The following PDE4DIP variants were observed in gnomAD, a reference collection of about 807,000 sequenced individuals.
PDE4DIP encodes the protein myomegalin.
In PDE4DIP, 59 loss-of-function variants were observed where a neutral mutation model predicts 221.4. The ratio of observed to expected loss-of-function variants is 0.27; its 90% CI spans 0.22 to 0.33. PDE4DIP has a LOEUF of 0.33. PDE4DIP is among the 10% of genes least tolerant of loss of function. The pLI, the probability that PDE4DIP is intolerant of heterozygous loss-of-function variation, is 1.00. For synonymous variants in PDE4DIP, 404 were observed against 815.9 expected (o/e 0.50, Z 8.60); for missense variants, 1,036 against 2,154.2 (o/e 0.48, Z 10.28).
chr1:148,927,598 C>T (rs3903871), intron 1 of PDE4DIP, among the ~76,000 whole-genome samples: 16,475 of 151,098 alleles, frequency 0.11, 612 homozygotes, highest in East Asian at 0.15. Context: ...TATTATATGG[C>T]GATAGTAAAG....
At chr1:148,915,142 G>T (rs7552824) in intron 1 of PDE4DIP, among the ~76,000 whole-genome samples, 16 of 142,252 alleles carry the variant, frequency 1.1e-4, no homozygotes, top group South Asian at 4.4e-4. Context: ...TTTTTTGTTT[G>T]TTTGTTTGTT....
intron 19 of PDE4DIP, among the ~76,000 whole-genome samples, chr1:148,979,425 C>A (rs2060731214): frequency 6.6e-6 from 1 of 152,104 alleles, no homozygotes; most frequent in Admixed American, 6.5e-5. Context: ...ACTAGTAAGT[C>A]CTATTATATA....
At chr1:148,934,516 C>T (rs1219676666) in intron 4 of PDE4DIP, among the ~76,000 whole-genome samples, 1 of 152,200 alleles carries the variant, frequency 6.6e-6, no homozygotes, top group Non-Finnish European at 1.5e-5. Flanking sequence ...GTGCAGATAC[C>T]ATGAGGGAAT....
At chr1:148,923,046 TC>T (rs1436552834) in intron 1 of PDE4DIP, among the ~76,000 whole-genome samples, 7 of 143,098 alleles carry the variant, frequency 4.9e-5, no homozygotes, top group Admixed American at 2.8e-4. Context: ...CAAGCGATTA[TC>T]CTGCCTTAGC....
chr1:148,923,703 G>C (rs1197855254), intron 1 of PDE4DIP, among the ~76,000 whole-genome samples: 1 of 145,038 alleles, frequency 6.9e-6, no homozygotes, highest in African/African-American at 2.7e-5. Flanking sequence ...TCGATCTCCC[G>C]ACCTCGTGAT....
intron 27 of PDE4DIP, among the ~76,000 whole-genome samples, 181 bp downstream of exon 30, chr1:149,005,618 T>A (rs1380918741): frequency 1.3e-5 from 2 of 151,798 alleles, no homozygotes; most frequent in African/African-American, 2.4e-5. Context: ...CATAGGATGA[T>A]GTTCCAGTAT....
At chr1:148,935,038 AC>A (rs1410568144) in intron 4 of PDE4DIP, among the ~76,000 whole-genome samples, 1 of 150,620 alleles carries the variant, frequency 6.6e-6, no homozygotes, top group Non-Finnish European at 1.5e-5. Context: ...ACATGGTGAA[AC>A]CCCATCTCAA....
chr1:148,963,748 C>CTTTTTTTTTTTTTTTTTTTTTTTTTT (rs66921099), intron 9 of PDE4DIP, among the ~76,000 whole-genome samples: 3 of 89,098 alleles, frequency 3.4e-5, no homozygotes, highest in African/African-American at 4.7e-5. Flanking sequence ...TTCTTTCCTT[C>CTTTTTTTTTTTTTTTTTTTTTTTTTT]TTTTTTTTTT....
chr1:148,985,316 G>C (rs1403148793), intron 21 of PDE4DIP: 1 of 151,948 alleles, frequency 6.6e-6, no homozygotes, highest in Non-Finnish European at 1.5e-5. Flanking sequence ...TAATATATTC[G>C]AGTGATTTCT....
chr1:148,851,709 T>G, intron 1 of PDE4DIP, among the ~76,000 whole-genome samples: 1 of 93,462 alleles, frequency 1.1e-5, no homozygotes, highest in East Asian at 6.5e-4. Context: ...GCATTTAAAG[T>G]TAGAAGAAAG....
At chr1:149,023,931 A>G (rs1302671518) in intron 37 of PDE4DIP, among the ~76,000 whole-genome samples, 1 of 148,352 alleles carries the variant, frequency 6.7e-6, no homozygotes, top group Non-Finnish European at 1.5e-5. Context: ...ACACACATAT[A>G]TATAGAGAGA....
At chr1:148,984,546 A>G (rs1187655097) in intron 21 of PDE4DIP, 1 of 152,058 alleles carries the variant, frequency 6.6e-6, no homozygotes, top group Non-Finnish European at 1.5e-5. Context: ...TATCACTTTT[A>G]TGCTCATTCA....
In PDE4DIP at chr1:148,992,466, G is replaced by A. The variant is rs1207960572; in HGVS notation, c.2904+493G>A. The A allele has an allele frequency of 9.1e-6, 12 of 1,324,184 alleles. No homozygotes were observed. In the South Asian group the frequency reaches 2.0e-4, roughly 22 times the overall value. 82.0% of individuals were successfully genotyped at this position (1,324,184 alleles called of 1,614,324 possible). A position where few individuals can be genotyped will look rare whatever the true frequency, so the allele number is the denominator to read the frequency against. ...TCAGTGAAATCTCATTATACAAAGA[G>A]AACCTTATGCAACCTGACAAACCAC... On this transcript the variant is annotated intron_variant, in intron 22 of 43. Coordinates refer to ENST00000369354, the Ensembl canonical transcript of PDE4DIP.
chr1:148,953,881 A>C, intron 5 of PDE4DIP: 9 of 1,612,156 alleles, frequency 5.6e-6, no homozygotes, highest in Non-Finnish European at 6.8e-6. Flanking sequence ...ATCTCTGTGA[A>C]GATTATTTGC....
upstream of PDE4DIP, among the ~76,000 whole-genome samples, chr1:148,888,659 T>TCCACA: frequency 4.5e-5 from 1 of 22,038 alleles, no homozygotes; most frequent in Non-Finnish European, 9.0e-5. Context: ...GTATAAATAA[T>TCCACA]ACTTCCTGCT....
At chr1:149,021,501 A>T (rs1485311024) in intron 37 of PDE4DIP, 4 of 172,656 alleles carry the variant, frequency 2.3e-5, no homozygotes, top group African/African-American at 9.4e-5. Flanking sequence ...CTGACAACCC[A>T]TTCAGCCCAA....
At chr1:148,942,919 G>T in intron 5 of PDE4DIP, among the ~76,000 whole-genome samples, 1 of 152,240 alleles carries the variant, frequency 6.6e-6, no homozygotes, top group South Asian at 2.1e-4. Context: ...CTTATAAAAT[G>T]AGACAGGATA....
At chr1:149,016,007 G>T (rs1553610259) in intron 32 of PDE4DIP, among the ~76,000 whole-genome samples, 1 of 143,238 alleles carries the variant, frequency 7.0e-6, no homozygotes, top group African/African-American at 2.6e-5. Flanking sequence ...TGTCATGAAG[G>T]ATTATAGTAG....
At chr1:148,915,130 G>GTTTT (rs1404013915) in intron 1 of PDE4DIP, among the ~76,000 whole-genome samples, 13 of 115,344 alleles carry the variant, frequency 1.1e-4, no homozygotes, top group Non-Finnish European at 1.9e-5. Flanking sequence ...CTTTCTTCTG[G>GTTTT]TTTTTTTGTT....
Sources: allele counts gnomAD v4.1 joint callset (sites outside exome capture counted in the v4.1 genomes callset), GRCh38; gene constraint gnomAD v4.1.1; transcripts MANE v1.5; gene names NCBI Gene and HGNC (gene_info 2026-07-23, HGNC 2026-07-21).